The following PALB2 variants were observed in gnomAD, a reference collection of about 807,000 sequenced individuals.
The protein encoded by PALB2 is partner and localizer of BRCA2, also known as mutant partner and localizer of BRCA2.
In PALB2, 82 loss-of-function variants were observed where a neutral mutation model predicts 107.4. That is an observed-to-expected ratio of 0.76 (90% confidence interval 0.64 to 0.92). PALB2 has a LOEUF of 0.92. Among genes scored for constraint, PALB2 ranks in the 40% least tolerant of loss-of-function variants. The pLI is 0.00. For synonymous variants in PALB2, 489 were observed against 496.8 expected (o/e 0.98, Z 0.21); for missense variants, 1,374 against 1,379.9 (o/e 1.00, Z 0.07).
intron 9 of PALB2, 134 bp from the exon 10 acceptor site, chr16:23,621,612 G>T (rs2142329380): frequency 1.5e-6 from 1 of 672,364 alleles, no homozygotes; most frequent in Admixed American, 2.3e-5. Context: ...CAGAAAACGT[G>T]TATACTAAAC....
chr16:23,621,714 A>G lies in PALB2; in HGVS notation c.2997-236T>C, dbSNP rs890125110. 5.3e-5 allele frequency among the ~76,000 whole-genome samples: 8 copies of G among 152,224 alleles called. No homozygotes were observed. In the East Asian group the frequency reaches 1.3e-3, roughly 26 times the overall value. ...ATTATATTCAAAATTAAACTTGTTA[A>G]CTTTTTCTATAAACCTTTTGTTTCT... is the stretch of plus-strand genomic sequence containing the variant. On this transcript the variant is annotated intron_variant, in intron 9 of 12. Transcript: ENST00000261584.
chr16:23,617,569 A>T (rs1272462123), intron 10 of PALB2: 12 of 113,134 alleles, frequency 1.1e-4, no homozygotes. Context: ...AAAAAAATTA[A>T]AAAAAAAAAA....
chr16:23,614,494 TA>T (rs1304415287), intron 10 of PALB2, among the ~76,000 whole-genome samples: 2 of 152,082 alleles, frequency 1.3e-5, no homozygotes, highest in Non-Finnish European at 2.9e-5. Context: ...AGACTACACC[TA>T]AAAGAGAGTT....
chr16:23,637,365 A>T (rs1211000908), intron 3 of PALB2, among the ~76,000 whole-genome samples: 2 of 152,186 alleles, frequency 1.3e-5, no homozygotes, highest in East Asian at 3.9e-4. Context: ...GTCTAACTGA[A>T]AATAGAGACT....
rs566813395 is a variant in PALB2, at chr16:23,629,978, G to A, written c.2176C>T (p.Pro726Ser). Residue 726 changes from proline to serine, a missense_variant, in exon 5 of 13, where the codon CCT becomes TCT. Coordinates refer to ENST00000261584, the MANE Select transcript of PALB2 (RefSeq NM_024675.4). ...GTAGTACCTAAGATGGGGAAAGCAG[G>A]TGAACACATGTCTGTGGTAGGCCTG... is the stretch of plus-strand genomic sequence containing the variant. ...NDRPTTDMCS[P>S]AFPILGTTPA... 4 of 1,614,178 alleles carry A rather than the reference G, an allele frequency of 2.5e-6. No homozygotes were observed. In the South Asian group the frequency reaches 3.3e-5, roughly 13 times the overall value.
intron 11 of PALB2, among the ~76,000 whole-genome samples, chr16:23,613,599 G>A (rs987556555): frequency 9.2e-5 from 14 of 151,476 alleles, no homozygotes; most frequent in Admixed American, 6.6e-4. Context: ...AGCTGAGATC[G>A]CGCCATTGCA....
intron 6 of PALB2, among the ~76,000 whole-genome samples, chr16:23,628,810 T>A (rs1045724922): frequency 3.9e-5 from 6 of 152,088 alleles, no homozygotes; most frequent in African/African-American, 1.2e-4. Flanking sequence ...ATTTTTGTAT[T>A]TTTAGTAGAG....
chr16:23,628,131 C>G (rs149028963), intron 6 of PALB2, among the ~76,000 whole-genome samples: 3 of 152,094 alleles, frequency 2.0e-5, no homozygotes, highest in African/African-American at 7.2e-5. Context: ...GGTTGAGGCA[C>G]GAGAATTGCT....
At chr16:23,625,498 T>G (rs145962281) in intron 7 of PALB2, among the ~76,000 whole-genome samples, 2 of 151,846 alleles carry the variant, frequency 1.3e-5, no homozygotes, top group Non-Finnish European at 2.9e-5. Flanking sequence ...AAACCCTGTC[T>G]GCATAAAAAA....
intron 12 of PALB2, among the ~76,000 whole-genome samples, chr16:23,604,675 A>G (rs899592519): frequency 6.6e-6 from 1 of 152,096 alleles, no homozygotes; most frequent in African/African-American, 2.4e-5. Context: ...CTGAAGCACA[A>G]GAATTGCTTG....
rs1967009790 is a variant in PALB2 at position 23,635,634 on chromosome 16, A to T, written c.912T>A (p.Leu304=). 1 of 1,614,092 alleles carries T rather than the reference A, an allele frequency of 6.2e-7. No individual in the cohort carries two copies. Among genetic ancestry groups the T allele is most frequent in the Non-Finnish European group, 8.5e-7 (1 of 1,179,986 alleles). Residue 304 remains leucine (L), a synonymous_variant, in exon 4 of 13, where the codon CTT becomes CTA. Coordinates refer to ENST00000261584, the MANE Select transcript of PALB2 (RefSeq NM_024675.4). Reference sequence around the variant, plus strand: ...CACTTTTACTTATAGCTTTATTTACAAGGAGGTTATCTGTAGAGACAGTCA... The same window carrying T: ...CACTTTTACTTATAGCTTTATTTACTAGGAGGTTATCTGTAGAGACAGTCA... ...KKMTVSTDNL[L]VNKAISKSGQ...
rs45548638 is a variant in PALB2 at position 23,635,596 on chromosome 16, G to A, written c.950C>T (p.Thr317Ile). ...KAISKSGQLP[T>I]SSNLEANISC... ...AATATTTGCCTCTAAATTAGAACTT[G>A]TGGGCAGTTGGCCACTTTTACTTAT... The change falls in exon 4 of 13, where the codon ACA (threonine) becomes ATA (isoleucine). Residue 317 changes from threonine to isoleucine, a missense_variant. Coordinates refer to ENST00000261584, the MANE Select transcript of PALB2 (RefSeq NM_024675.4). 1.9e-5 allele frequency: 30 copies of A among 1,613,528 alleles called. No homozygotes were observed. The highest frequency in any genetic ancestry group is 2.4e-5 in the Non-Finnish European group (28 of 1,179,718).
Position 23,637,850 on chromosome 16 carries a change from C to T in PALB2, c.211G>A (p.Glu71Lys), listed in dbSNP as rs2142455366. The T allele has an allele frequency of 1.9e-6, 3 of 1,607,084 alleles. No individual in the cohort carries two copies. The highest frequency in any genetic ancestry group is 2.6e-6 in the Non-Finnish European group (3 of 1,173,674). Residue 71 changes from glutamate to lysine, a missense_variant and splice_region_variant, in exon 3 of 13, where the codon GAA becomes AAA. By Grantham distance (56) the Glu-to-Lys change is moderately conservative. Coordinates refer to ENST00000261584, the MANE Select transcript of PALB2 (RefSeq NM_024675.4). ...QDLSPQLKHSEPKNKICVYDK... is the reference protein window; with the variant it reads ...QDLSPQLKHSKPKNKICVYDK... ...GCATAAGTGAATGGTCTAGATTTAC[C>T]TGAGTGTTTTAGCTGCGGTGAGAGA...
At chr16:23,624,221 C>T in intron 7 of PALB2, 127 bp from the exon 8 acceptor site, 1 of 694,014 alleles carries the variant, frequency 1.4e-6, no homozygotes, top group South Asian at 1.7e-5. Context: ...CATTTGAAGG[C>T]TCAGAAAACT....
At chr16:23,632,956 T>G (rs1966897341) in intron 4 of PALB2, among the ~76,000 whole-genome samples, 1 of 152,074 alleles carries the variant, frequency 6.6e-6, no homozygotes, top group Non-Finnish European at 1.5e-5. Flanking sequence ...TAGCTGGGTG[T>G]GGTGGTGGGC....
chr16:23,605,376 T>C (rs978728891), intron 12 of PALB2, among the ~76,000 whole-genome samples: 4 of 152,102 alleles, frequency 2.6e-5, no homozygotes. Context: ...AGTTTTCCCT[T>C]CTAATTTCCA....
chr16:23,634,462 C>A (rs993424661), intron 4 of PALB2, among the ~76,000 whole-genome samples: 3 of 151,914 alleles, frequency 2.0e-5, no homozygotes, highest in Non-Finnish European at 4.4e-5. Flanking sequence ...TCAGCCTGGG[C>A]AACAGGGCAG....
rs515726056 is a variant in PALB2, at chr16:23,641,182, G to T, written c.-25C>A. ...TCGGGCAGGCGACAGAACGAAAAGA[G>T]CAGCCGTCGCCGACCCCAGGCCTGC... On this transcript the variant is annotated 5_prime_UTR_variant, in exon 1 of 13. Coordinates refer to ENST00000261584, the MANE Select transcript of PALB2 (RefSeq NM_024675.4). 3 of 1,609,758 alleles carry T rather than the reference G, an allele frequency of 1.9e-6. No individual in the cohort carries two copies. Among genetic ancestry groups the T allele is most frequent in the Non-Finnish European group, 2.5e-6 (3 of 1,178,890 alleles).
At chr16:23,613,003 T>G (rs922037939) in intron 11 of PALB2, among the ~76,000 whole-genome samples, 6 of 151,732 alleles carry the variant, frequency 4.0e-5, no homozygotes, top group African/African-American at 1.5e-4. Context: ...TCCACCCACT[T>G]TGGCCTCCCA....
Sources: gnomAD v4.1 joint callset for allele counts (sites outside exome capture counted in the v4.1 genomes callset) on GRCh38, gnomAD v4.1.1 for gene constraint, MANE v1.5 for transcripts, NCBI Gene and HGNC (gene_info 2026-07-23, HGNC 2026-07-21) for gene names.